Variants in NCBP3 observed in about 807,000 individuals in gnomAD.
NCBP3 encodes the protein nuclear cap binding subunit 3.
In NCBP3, 20 loss-of-function variants were observed where a neutral mutation model predicts 75.7. That is an observed-to-expected ratio of 0.26 (90% CI 0.19 to 0.38). The LOEUF (loss-of-function observed/expected upper bound fraction) is 0.38. NCBP3 is among the 10% of genes least tolerant of loss of function. NCBP3 has a pLI of 1.00. For missense variants in NCBP3, 678 were observed against 796.9 expected, an observed-to-expected ratio of 0.85 and a Z score of 1.80; for synonymous variants, 293 against 290.5, an observed-to-expected ratio of 1.01 and a Z score of -0.09.
chr17:3,841,832 CA>C (rs35136635), intron 2 of NCBP3, among the ~76,000 whole-genome samples: 25,528 of 113,716 alleles, frequency 0.22, 1,752 homozygotes, highest in African/African-American at 0.24. Flanking sequence ...GACTCTGTCT[CA>C]AAAAAAAAAA....
chr17:3,826,669 A>G lies in NCBP3; in HGVS notation c.482-454T>C, dbSNP rs1188352986. Among the ~76,000 whole-genome samples, 3 of 150,472 alleles carry G rather than the reference A, an allele frequency of 2.0e-5. No homozygotes were observed. The East Asian group carries it at 5.9e-4, about 29-fold the overall frequency. Reference sequence around the variant, plus strand: ...AGTTAAAAATAAATAAAAAAGAAAGAAAGAAAGAGAAAGAGAGACAGAAAG... The same window carrying G: ...AGTTAAAAATAAATAAAAAAGAAAGGAAGAAAGAGAAAGAGAGACAGAAAG... On this transcript the variant is annotated intron_variant, in intron 4 of 12. Coordinates refer to ENST00000389005, the MANE Select transcript of NCBP3 (RefSeq NM_001114118.3).
Position 3,846,044 on chromosome 17 carries a change from G to C in NCBP3, c.180C>G (p.Ile60Met), listed in dbSNP as rs1160462424. 7.8e-6 allele frequency: 12 copies of C among 1,546,990 alleles called. No individual in the cohort carries two copies. The highest frequency in any genetic ancestry group is 1.2e-5 in the South Asian group (1 of 83,990). Residue 60 changes from isoleucine to methionine, a missense_variant, in exon 1 of 13, where the codon ATC (isoleucine) becomes ATG (methionine). Ile to Met is a conservative substitution (Grantham distance 10, BLOSUM62 1). Coordinates refer to ENST00000389005, the MANE Select transcript of NCBP3 (RefSeq NM_001114118.3). This position sits in a 1 kb window ranked among gnomAD's most constrained non-coding sequence, Gnocchi z 4.6. ...VPVRRSLKELIPDTSRRYENK... is the reference protein window; with the variant it reads ...VPVRRSLKELMPDTSRRYENK... Reference sequence around the variant, plus strand: ...ACCCCCCGACCCCCGCCCGTACCGGGATCAGTTCCTTGAGCGAGCGCCGCA... The same window carrying C: ...ACCCCCCGACCCCCGCCCGTACCGGCATCAGTTCCTTGAGCGAGCGCCGCA...
At chr17:3,832,799 C>CA (rs535801709) in intron 3 of NCBP3, among the ~76,000 whole-genome samples, 107 of 151,964 alleles carry the variant, frequency 7.0e-4, no homozygotes, top group African/African-American at 2.4e-3. Flanking sequence ...AATTTACAAA[C>CA]AAAAAAATGC....
intron 1 of NCBP3, among the ~76,000 whole-genome samples, chr17:3,845,397 T>A (rs929035499): frequency 6.6e-5 from 10 of 151,968 alleles, no homozygotes; most frequent in Non-Finnish European, 1.0e-4. Context: ...CCTCTCACCA[T>A]CCCCAGCGCG....
In NCBP3 at chr17:3,813,132, C is replaced by T. The variant is rs771260320; in HGVS notation, c.1775G>A (p.Arg592His). Residue 592 changes from arginine (R) to histidine (H), a missense_variant, in exon 13 of 13, where the codon CGC becomes CAC. Transcript: ENST00000389005. ...GTTATCTAACCGGCTCTTCTTTTGG[C>T]GAGACTGCTCTTTCTCCTTAATCAG... Reference protein sequence around the residue: ...GALIKEKEQSRQKKSRLDNLP... With the variant: ...GALIKEKEQSHQKKSRLDNLP... The T allele has an allele frequency of 3.8e-5, 61 of 1,614,120 alleles. No individual in the cohort carries two copies. Among genetic ancestry groups the T allele is most frequent in the Non-Finnish European group, 4.7e-5 (55 of 1,180,056 alleles).
At position 3,825,069 on chromosome 17, in the gene NCBP3, T is replaced by C. The variant is rs1164723203; in HGVS notation, c.688-19A>G. 3 of 1,349,044 alleles carry C rather than the reference T, an allele frequency of 2.2e-6. No individual in the cohort carries two copies. Among genetic ancestry groups the C allele is most frequent in the East Asian group, 2.5e-5 (1 of 39,226 alleles). The allele number at this position is 1,349,044 out of a possible 1,614,324, so 83.6% of individuals were successfully genotyped here. A position where few individuals can be genotyped will look rare whatever the true frequency, so the allele number is the denominator to read the frequency against. On this transcript the variant is annotated intron_variant, in intron 6 of 12. Transcript: ENST00000389005. ...TATCCAACTTAAGAAAGAAGAGTAT[T>C]TTTAATATAAAAATTAAAGTCCTTT...
In NCBP3 at chr17:3,814,515, G is replaced by A. The variant is rs201732742; in HGVS notation, c.1466-32C>T. ...AAAGAGAAAAAGTGCACCAGTGACC[G>A]TGTGTGTGCTTTATGCTCGGCACCA... On this transcript the variant is annotated intron_variant, in intron 11 of 12. Transcript: ENST00000389005. 2.5e-4 allele frequency: 397 copies of A among 1,610,292 alleles called. 2 individuals are homozygous for A. The African/African-American group carries it at 4.7e-3, about 19-fold the overall frequency.
intron 3 of NCBP3, among the ~76,000 whole-genome samples, chr17:3,833,901 A>G (rs1275794687): frequency 6.6e-6 from 1 of 152,072 alleles, no homozygotes; most frequent in Admixed American, 6.6e-5. Context: ...TGTTCCCTCT[A>G]CTATCACTCA....
At chr17:3,840,637 A>G (rs1567596047) in intron 2 of NCBP3, among the ~76,000 whole-genome samples, 1 of 152,240 alleles carries the variant, frequency 6.6e-6, no homozygotes, top group Non-Finnish European at 1.5e-5. Context: ...TACTTCAGCT[A>G]TTAAGCAAGC....
At chr17:3,840,052 G>T (rs1218321175) in intron 3 of NCBP3, 48 bp downstream of exon 3, 4 of 1,429,856 alleles carry the variant, frequency 2.8e-6, no homozygotes, top group Non-Finnish European at 3.9e-6. Context: ...CAGGGAAAAG[G>T]CACTCTCTGG....
At chr17:3,834,377 T>C (rs1459868741) in intron 3 of NCBP3, among the ~76,000 whole-genome samples, 1 of 152,234 alleles carries the variant, frequency 6.6e-6, no homozygotes, top group African/African-American at 2.4e-5. Context: ...GTGGGCAACT[T>C]TTCTTCCTGT....
chr17:3,845,854 G>A (rs2054155207), intron 1 of NCBP3, among the ~76,000 whole-genome samples, 187 bp downstream of exon 1: 1 of 140,426 alleles, frequency 7.1e-6, no homozygotes, highest in African/African-American at 2.7e-5. Context: ...CCGGCGCCCC[G>A]GCGTCCTTTC....
intron 1 of NCBP3, among the ~76,000 whole-genome samples, chr17:3,845,804 G>C (rs1429746255): frequency 6.6e-6 from 1 of 152,050 alleles, no homozygotes; most frequent in Non-Finnish European, 1.5e-5. Context: ...CTCCCTCCCA[G>C]CTCTCCGCCA....
rs145211910 is a variant in NCBP3, at chr17:3,841,886, T to C, written c.249+1200A>G. ...GAAGGCACGAAATATATTTTTATTT[T>C]TGCTTTTATGTATTCAATACAGCAA... On this transcript the variant is annotated intron_variant, in intron 2 of 12. Coordinates refer to ENST00000389005, the MANE Select transcript of NCBP3 (RefSeq NM_001114118.3). Among the ~76,000 whole-genome samples, 144 of 152,124 alleles carry C rather than the reference T, an allele frequency of 9.5e-4. 1 individual carries two copies. The highest frequency in any genetic ancestry group is 3.0e-3 in the African/African-American group (126 of 41,516).
In NCBP3 at chr17:3,821,349, C is replaced by T. The variant is rs1298578708; in HGVS notation, c.900G>A (p.Lys300=). Residue 300 remains lysine (K), a synonymous_variant, in exon 9 of 13, where the codon AAG becomes AAA. Transcript: ENST00000389005. ...GAATACGACGGGAATGATATCTTCG[C>T]TTCCTGCAAGAATGCCAAAATAAGC... ...GMKGILSNSW[K]RRYHSRRIQR... is the part of the protein sequence containing the mutation. 1.2e-6 allele frequency: 2 copies of T among 1,612,942 alleles called. No individual in the cohort carries two copies. Among genetic ancestry groups the T allele is most frequent in the East Asian group, 4.5e-5 (2 of 44,868 alleles).
Position 3,821,340 on chromosome 17 carries a change from A to T in NCBP3, c.909T>A (p.Tyr303Ter). The stretch of plus-strand genomic sequence containing the variant: ...CGTCCCGCTGAATACGACGGGAATG[A>T]TATCTTCGCTTCCTGCAAGAATGCC... ...GILSNSWKRRYHSRRIQRDVI... is the reference protein window; with the variant it reads ...GILSNSWKRR The change falls in exon 9 of 13, where the codon TAT becomes TAA. Residue 303 changes from tyrosine to a stop codon, truncating the protein, a stop_gained. Coordinates refer to ENST00000389005, the MANE Select transcript of NCBP3 (RefSeq NM_001114118.3). LOFTEE classifies it high-confidence loss of function. The T allele has an allele frequency of 6.2e-7, 1 of 1,613,800 alleles. No individual in the cohort carries two copies. The highest frequency in any genetic ancestry group is 8.5e-7 in the Non-Finnish European group (1 of 1,179,754).
At position 3,807,424 on chromosome 17, in the gene NCBP3, C is replaced by T. The variant is rs2053348074; in HGVS notation, c.*5620G>A. 2.6e-5 allele frequency: 4 copies of T among 152,108 alleles called. No homozygotes were observed. The highest frequency in any genetic ancestry group is 2.0e-4 in the Admixed American group (3 of 15,260). 9.4% of individuals were successfully genotyped at this position (152,108 alleles called of 1,614,324 possible). On this transcript the variant is annotated 3_prime_UTR_variant, in exon 13 of 13. Coordinates refer to ENST00000389005, the MANE Select transcript of NCBP3 (RefSeq NM_001114118.3). ...ATGAGATTTTTTTTTCTTATACAAC[C>T]ATATGCACTTCTGAATAATCTTCCC...
rs1340571111 is a variant in NCBP3 at position 3,837,724 on chromosome 17, C to T, written c.355+2376G>A. Among the ~76,000 whole-genome samples, 13 of 146,750 alleles carry T rather than the reference C, an allele frequency of 8.9e-5. No individual in the cohort carries two copies. The East Asian group carries it at 2.3e-3, about 26-fold the overall frequency. On this transcript the variant is annotated intron_variant, in intron 3 of 12. Transcript: ENST00000389005. The stretch of plus-strand genomic sequence containing the variant: ...ACTCCAGCCTGGGTGACAGAGCAAG[C>T]CTCTGTCTCAAAAAAAAAAAAAAAA...
At chr17:3,821,451 CTCAATCT>C in intron 8 of NCBP3, 99 bp from the exon 9 acceptor site, 1 of 886,580 alleles carries the variant, frequency 1.1e-6, no homozygotes, top group East Asian at 2.7e-5. Flanking sequence ...GTGATGGAGT[CTCAATCT>C]CTCTCCCAGG....
Sources: gnomAD v4.1 joint callset for allele counts (sites outside exome capture counted in the v4.1 genomes callset) on GRCh38, gnomAD v4.1.1 for gene constraint, Gnocchi (gnomAD v3.1) non-coding constraint, MANE v1.5 for transcripts, NCBI Gene and HGNC (gene_info 2026-07-23, HGNC 2026-07-21) for gene names.